Variants in BLTP1 observed in about 807,000 individuals in gnomAD.
BLTP1 encodes the protein bridge-like lipid transfer protein family member 1.
chr4:122,207,619 A>C, the BLTP1 span: 1 of 1,606,844 alleles, frequency 6.2e-7, no homozygotes, highest in East Asian at 2.2e-5. Flanking sequence ...GCTACATGTA[A>C]TACCAAGTTC....
At chr4:122,246,360 C>A in the BLTP1 span, 1 of 1,352,222 alleles carries the variant, frequency 7.4e-7, no homozygotes, top group Non-Finnish European at 1.0e-6. Context: ...TGGTGTTTGT[C>A]CTTTTCAGTT....
the BLTP1 span, chr4:122,263,950 A>G: frequency 3.6e-6 from 1 of 281,450 alleles, no homozygotes; most frequent in Non-Finnish European, 5.4e-6. Flanking sequence ...TCCCTCTGAG[A>G]CCTAATAACT....
the BLTP1 span, chr4:122,220,468 C>G: frequency 6.2e-7 from 1 of 1,608,482 alleles, no homozygotes; most frequent in South Asian, 1.1e-5. Context: ...TGATAACTAT[C>G]AGGTAAGGTG....
chr4:122,250,175 A>T, the BLTP1 span: 11 of 318,642 alleles, frequency 3.5e-5, no homozygotes, highest in South Asian at 1.3e-4. Flanking sequence ...ACTACTATAA[A>T]TAATAGTAGT....
chr4:122,246,820 A>G, the BLTP1 span: 1 of 1,610,956 alleles, frequency 6.2e-7, no homozygotes, highest in Non-Finnish European at 8.5e-7. Flanking sequence ...GGTAAGAAAT[A>G]CTTTATTAAT....
chr4:122,266,850 G>A, the BLTP1 span: 25 of 1,611,480 alleles, frequency 1.6e-5, no homozygotes, highest in East Asian at 4.5e-5. Context: ...TTCTGCTACC[G>A]AATGTACTTT....
At chr4:122,198,330 G>A in the BLTP1 span, 42 of 985,210 alleles carry the variant, frequency 4.3e-5, no homozygotes, top group East Asian at 6.8e-4. Context: ...TTCAGAGTAC[G>A]CAGTTCGAAA....
At chr4:122,210,850 C>G in the BLTP1 span, 1 of 1,602,350 alleles carries the variant, frequency 6.2e-7, no homozygotes, top group Non-Finnish European at 8.5e-7. Context: ...TCCCCCACCC[C>G]TCAAACATTA....
chr4:122,213,385 A>G, the BLTP1 span, among the ~76,000 whole-genome samples: 1 of 152,074 alleles, frequency 6.6e-6, no homozygotes, highest in African/African-American at 2.4e-5. Flanking sequence ...TGGTATCAGT[A>G]TTAGTACCTT....
At chr4:122,360,096 A>G in the BLTP1 span, 3 of 945,410 alleles carry the variant, frequency 3.2e-6, no homozygotes, top group Non-Finnish European at 3.8e-6. Flanking sequence ...ATGCAGCAGA[A>G]GTCATATTTA....
chr4:122,232,522 G>A, the BLTP1 span, among the ~76,000 whole-genome samples: 3 of 152,022 alleles, frequency 2.0e-5, no homozygotes, highest in Admixed American at 6.6e-5. Context: ...CGGGAGAATC[G>A]CTGGAACCTG....
the BLTP1 span, chr4:122,211,196 T>A: frequency 9.4e-7 from 1 of 1,068,684 alleles, no homozygotes; most frequent in Non-Finnish European, 1.3e-6. Context: ...TTGGATTATT[T>A]AAAGTGTTGA....
the BLTP1 span, chr4:122,328,756 T>C: frequency 1.0e-5 from 10 of 983,486 alleles, no homozygotes; most frequent in Non-Finnish European, 1.1e-5. Flanking sequence ...TAGCAATGGA[T>C]GAAAGACTTA....
chr4:122,168,216 G>T, the BLTP1 span, among the ~76,000 whole-genome samples: 1 of 152,102 alleles, frequency 6.6e-6, no homozygotes, highest in South Asian at 2.1e-4. Flanking sequence ...ATACTGTAGG[G>T]TTTCTGTCTT....
At chr4:122,232,400 A>C in the BLTP1 span, among the ~76,000 whole-genome samples, 1 of 152,148 alleles carries the variant, frequency 6.6e-6, no homozygotes, top group African/African-American at 2.4e-5. Flanking sequence ...TTTGTCCCAC[A>C]TATTGCATAG....
the BLTP1 span, among the ~76,000 whole-genome samples, chr4:122,263,761 T>C: frequency 6.6e-6 from 1 of 152,200 alleles, no homozygotes; most frequent in Non-Finnish European, 1.5e-5. Context: ...ATTGAGAGAG[T>C]AGTAAGCAGT....
chr4:122,185,908 C>A, the BLTP1 span: 1 of 630,666 alleles, frequency 1.6e-6, no homozygotes, highest in Non-Finnish European at 2.3e-6. Flanking sequence ...TATTAATATG[C>A]TTCTCTGTAT....
At chr4:122,262,614 T>A in the BLTP1 span, 1 of 875,990 alleles carries the variant, frequency 1.1e-6, no homozygotes, top group Non-Finnish European at 1.6e-6. Flanking sequence ...GTAAAAAGGA[T>A]TCACCACAAT....
the BLTP1 span, chr4:122,331,694 T>C: frequency 2.3e-5 from 23 of 979,240 alleles, no homozygotes; most frequent in Middle Eastern, 5.3e-4. Flanking sequence ...ATATTTCTTA[T>C]ACAGTTTCTT....
Sources: allele counts gnomAD v4.1 joint callset (sites outside exome capture counted in the v4.1 genomes callset), GRCh38; gene constraint gnomAD v4.1.1; transcripts MANE v1.5; gene names NCBI Gene and HGNC (gene_info 2026-07-23, HGNC 2026-07-21).